VKORC1L1: variants seen among roughly 807,000 people sequenced by gnomAD.
VKORC1L1 encodes vitamin K epoxide reductase complex subunit 1L1.
Under a neutral mutation model 18.9 loss-of-function variants are expected in VKORC1L1, and 2 were observed. That is an observed-to-expected ratio of 0.11 (90% CI 0.04 to 0.33). VKORC1L1 has a LOEUF of 0.33. Ranked by LOEUF, VKORC1L1 falls within the 10% of genes least tolerant of loss-of-function variation. The pLI is 1.00. For missense variants in VKORC1L1, 123 were observed against 224.1 expected, an observed-to-expected ratio of 0.55 and a Z score of 2.88; for synonymous variants, 96 against 100.0, an observed-to-expected ratio of 0.96 and a Z score of 0.24.
At chr7:65,878,991 A>G (rs1185364693) in intron 1 of VKORC1L1, among the ~76,000 whole-genome samples, 1 of 152,182 alleles carries the variant, frequency 6.6e-6, no homozygotes, top group African/African-American at 2.4e-5. Flanking sequence ...GTACAGTGAA[A>G]AGTCTCCTTC....
At chr7:65,892,476 G>A (rs991746822) in intron 1 of VKORC1L1, among the ~76,000 whole-genome samples, 5 of 152,130 alleles carry the variant, frequency 3.3e-5, no homozygotes, top group African/African-American at 1.2e-4. Context: ...ATATCTCATT[G>A]TAGTTTTGAT....
intron 1 of VKORC1L1, among the ~76,000 whole-genome samples, chr7:65,924,191 G>C (rs1583851699): frequency 6.6e-6 from 1 of 152,168 alleles, no homozygotes; most frequent in African/African-American, 2.4e-5. Context: ...GCTTACTGAG[G>C]CTGGGCATAT....
At chr7:65,868,669 A>G (rs1205991724), upstream of VKORC1L1, among the ~76,000 whole-genome samples, 4 of 152,346 alleles carry the variant, frequency 2.6e-5, no homozygotes, top group East Asian at 7.7e-4. Context: ...TGTCTTTTGC[A>G]TCACTGTGGA....
chr7:65,895,516 T>TATATATATATACACACAC (rs370356956), intron 1 of VKORC1L1, among the ~76,000 whole-genome samples: 1 of 71,602 alleles, frequency 1.4e-5, no homozygotes, highest in African/African-American at 4.8e-5. Context: ...TATATATATA[T>TATATATATATACACACAC]ACACACACAC....
At chr7:65,867,897 A>G in the VKORC1L1 span, among the ~76,000 whole-genome samples, 2 of 152,170 alleles carry the variant, frequency 1.3e-5, no homozygotes, top group Admixed American at 6.6e-5. Flanking sequence ...CCCAGGCTGG[A>G]GTCCAGTTGT....
chr7:65,952,699 T>C (rs1790230887), intron 2 of VKORC1L1, among the ~76,000 whole-genome samples: 1 of 151,760 alleles, frequency 6.6e-6, no homozygotes, highest in Non-Finnish European at 1.5e-5. Context: ...ATGCACATAT[T>C]CTCTATACTG....
At chr7:65,890,051 G>A (rs1316592596) in intron 1 of VKORC1L1, among the ~76,000 whole-genome samples, 1 of 151,800 alleles carries the variant, frequency 6.6e-6, no homozygotes, top group Non-Finnish European at 1.5e-5. Context: ...TCTGCTTCCT[G>A]GGCTCAAGCA....
chr7:65,910,038 C>A (rs1028627351), intron 1 of VKORC1L1, among the ~76,000 whole-genome samples: 1 of 151,924 alleles, frequency 6.6e-6, no homozygotes, highest in African/African-American at 2.4e-5. Flanking sequence ...TTTAATCTTA[C>A]CTGTTGTTAA....
At chr7:65,889,447 C>G (rs1789073103) in intron 1 of VKORC1L1, among the ~76,000 whole-genome samples, 1 of 152,220 alleles carries the variant, frequency 6.6e-6, no homozygotes, top group Non-Finnish European at 1.5e-5. Flanking sequence ...GGGACTTGTC[C>G]ATGATTCTCT....
chr7:65,902,691 ACAT>A (rs1789338336), intron 1 of VKORC1L1, among the ~76,000 whole-genome samples: 4 of 152,154 alleles, frequency 2.6e-5, no homozygotes, highest in Admixed American at 2.6e-4. Flanking sequence ...ACACCAAGGC[ACAT>A]CATCATCAAA....
chr7:65,941,673 G>GTTTTTTTTTTTTTTTTTTTTTTTTT (rs57537567), intron 1 of VKORC1L1, among the ~76,000 whole-genome samples: 2 of 66,476 alleles, frequency 3.0e-5, no homozygotes, highest in Non-Finnish European at 5.5e-5. Flanking sequence ...TTTTCTTAAG[G>GTTTTTTTTTTTTTTTTTTTTTTTTT]TTTTTTTTTT....
chr7:65,924,980 C>T (rs945223684), intron 1 of VKORC1L1, among the ~76,000 whole-genome samples: 3 of 152,120 alleles, frequency 2.0e-5, no homozygotes, highest in Non-Finnish European at 4.4e-5. Flanking sequence ...CCTGGTTGGT[C>T]CTTTGCTTAA....
At chr7:65,951,561 G>A (rs139424808) in intron 2 of VKORC1L1, among the ~76,000 whole-genome samples, 25 of 149,964 alleles carry the variant, frequency 1.7e-4, no homozygotes, top group East Asian at 9.8e-4. Context: ...GTGACAGAGC[G>A]AGACTCCTTC....
intron 1 of VKORC1L1, among the ~76,000 whole-genome samples, chr7:65,912,748 T>C (rs1182478102): frequency 6.6e-6 from 1 of 152,144 alleles, no homozygotes; most frequent in Non-Finnish European, 1.5e-5. Flanking sequence ...ATCTATACTT[T>C]GTAAAATACA....
chr7:65,935,587 G>A (rs1789929764), intron 1 of VKORC1L1, among the ~76,000 whole-genome samples: 1 of 152,134 alleles, frequency 6.6e-6, no homozygotes, highest in Non-Finnish European at 1.5e-5. Flanking sequence ...GGGATTACAG[G>A]CATGAGCCAC....
At chr7:65,888,637 G>C (rs10950018) in intron 1 of VKORC1L1, among the ~76,000 whole-genome samples, 16,893 of 151,830 alleles carry the variant, frequency 0.11, 1,097 homozygotes, top group Middle Eastern at 0.2. Flanking sequence ...CGGTGGTGAG[G>C]GGGGTGCAGG....
chr7:65,884,963 T>A (rs1788988790), intron 1 of VKORC1L1, among the ~76,000 whole-genome samples: 1 of 152,244 alleles, frequency 6.6e-6, no homozygotes, highest in African/African-American at 2.4e-5. Context: ...TTTAGACGAA[T>A]GCTAGTACAA....
intron 1 of VKORC1L1, among the ~76,000 whole-genome samples, chr7:65,904,297 C>T (rs1334644420): frequency 6.6e-6 from 1 of 152,126 alleles, no homozygotes; most frequent in Non-Finnish European, 1.5e-5. Context: ...CAACCCCTGC[C>T]TCCTGGGTTC....
At chr7:65,914,763 G>GT in intron 1 of VKORC1L1, among the ~76,000 whole-genome samples, 1 of 152,280 alleles carries the variant, frequency 6.6e-6, no homozygotes, top group Middle Eastern at 3.4e-3. Context: ...ACTTTGAGAG[G>GT]TTGAAGCGGG....
Sources: allele counts gnomAD v4.1 joint callset (sites outside exome capture counted in the v4.1 genomes callset), GRCh38; gene constraint gnomAD v4.1.1; transcripts MANE v1.5; gene names NCBI Gene and HGNC (gene_info 2026-07-23, HGNC 2026-07-21).